The following FHIP1A variants were observed in gnomAD, a reference collection of about 807,000 sequenced individuals.
FHIP1A encodes FHF complex subunit HOOK-interacting protein 1A.
Under a neutral mutation model 88.6 loss-of-function variants are expected in FHIP1A, and 61 were observed. The ratio of observed to expected loss-of-function variants is 0.69; its 90% confidence interval spans 0.56 to 0.85. FHIP1A has a LOEUF of 0.85. FHIP1A is among the 40% of genes least tolerant of loss of function. The pLI, the probability that FHIP1A is intolerant of heterozygous loss-of-function variation, is 0.00. For missense variants in FHIP1A, 1,154 were observed against 1,273.5 expected (o/e 0.91, Z 1.43); for synonymous variants, 478 against 496.0 (o/e 0.96, Z 0.48).
At position 151,650,148 on chromosome 4, in the gene FHIP1A, G is replaced by A; in HGVS notation, c.2107G>A (p.Asp703Asn). 1.3e-6 allele frequency: 2 copies of A among 1,551,684 alleles called. No homozygotes were observed. The highest frequency in any genetic ancestry group is 1.7e-6 in the Non-Finnish European group (2 of 1,146,992). The change falls in exon 11 of 14, where the codon GAC becomes AAC. Residue 703 changes from aspartate to asparagine, a missense_variant. Asp to Asn is a conservative substitution (Grantham distance 23, BLOSUM62 1). Coordinates refer to ENST00000435205, the MANE Select transcript of FHIP1A (RefSeq NM_001109977.3). The stretch of plus-strand genomic sequence containing the variant: ...GGAGGAGTGGAATAGGGACAATTCA[G>A]ACCCGTTTCACAGTGAGCCCAAGGA... Reference protein sequence around the residue: ...SEEEWNRDNSDPFHSEPKEPK... With the variant: ...SEEEWNRDNSNPFHSEPKEPK...
chr4:151,415,552 T>A (rs1732860109), intron 1 of FHIP1A, among the ~76,000 whole-genome samples: 1 of 152,226 alleles, frequency 6.6e-6, no homozygotes, highest in Admixed American at 6.5e-5. Flanking sequence ...TTAAGAACAG[T>A]GCTTCAGAGA....
chr4:151,413,511 G>A (rs1281774166), intron 1 of FHIP1A, among the ~76,000 whole-genome samples: 2 of 152,128 alleles, frequency 1.3e-5, no homozygotes, highest in East Asian at 3.8e-4. Flanking sequence ...CTGGAGTGCG[G>A]TGGCACAATC....
intron 2 of FHIP1A, among the ~76,000 whole-genome samples, chr4:151,470,883 C>T (rs930263597): frequency 6.6e-6 from 1 of 152,022 alleles, no homozygotes; most frequent in Non-Finnish European, 1.5e-5. Context: ...GGACTGTGGC[C>T]GTATTGTATT....
In FHIP1A at chr4:151,662,536, A is replaced by C; in HGVS notation, c.2905A>C (p.Lys969Gln). ...GGAGGCTTCCAGGACAGGAAGTGGC[A>C]AGAACCTTTTGGATGGACCTCCAAG... ...IQEASRTGSG[K>Q]NLLDGPPRVL... The change falls in exon 14 of 14, where the codon AAG becomes CAG. Residue 969 changes from lysine (K) to glutamine (Q), a missense_variant. Physicochemically the swap from Lys to Gln is moderately conservative, Grantham distance 53. Coordinates refer to ENST00000435205, the MANE Select transcript of FHIP1A (RefSeq NM_001109977.3). The C allele has an allele frequency of 6.5e-7, 1 of 1,547,080 alleles. No homozygotes were observed. The highest frequency in any genetic ancestry group is 8.7e-7 in the Non-Finnish European group (1 of 1,144,174).
At chr4:151,430,584 A>G (rs755968233) in intron 1 of FHIP1A, among the ~76,000 whole-genome samples, 9 of 152,222 alleles carry the variant, frequency 5.9e-5, no homozygotes, top group Non-Finnish European at 1.0e-4. Context: ...TTAAATTGGC[A>G]TTGATTTTAA....
chr4:151,510,385 T>G (rs1730985025), intron 3 of FHIP1A, among the ~76,000 whole-genome samples: 1 of 152,174 alleles, frequency 6.6e-6, no homozygotes, highest in Admixed American at 6.5e-5. Context: ...CTGGGATTTA[T>G]AAGCATGAGC....
At chr4:151,643,769 A>G (rs1736685099) in intron 9 of FHIP1A, among the ~76,000 whole-genome samples, 1 of 152,210 alleles carries the variant, frequency 6.6e-6, no homozygotes. Context: ...CGGGCTATTC[A>G]TTTGAATAGA....
chr4:151,547,257 T>C (rs1280375080), intron 3 of FHIP1A, among the ~76,000 whole-genome samples: 1 of 152,146 alleles, frequency 6.6e-6, no homozygotes, highest in Non-Finnish European at 1.5e-5. Context: ...AAGGTATGTC[T>C]GAAACAGTCA....
At chr4:151,500,225 G>C (rs1381722867) in intron 3 of FHIP1A, among the ~76,000 whole-genome samples, 1 of 152,016 alleles carries the variant, frequency 6.6e-6, no homozygotes, top group African/African-American at 2.4e-5. Context: ...AAAGGAAGGA[G>C]GTTTGTACTT....
At chr4:151,661,021 GC>G (rs1737436696) in intron 13 of FHIP1A, among the ~76,000 whole-genome samples, 1 of 152,184 alleles carries the variant, frequency 6.6e-6, no homozygotes, top group East Asian at 1.9e-4. Flanking sequence ...TGCCTCTAAG[GC>G]TAGTAAGATT....
chr4:151,651,183 G>A (rs968073186), intron 11 of FHIP1A, among the ~76,000 whole-genome samples: 2 of 152,156 alleles, frequency 1.3e-5, no homozygotes, highest in Non-Finnish European at 2.9e-5. Flanking sequence ...GTGGACCCAC[G>A]TCAACTAATA....
intron 3 of FHIP1A, among the ~76,000 whole-genome samples, chr4:151,502,234 T>C (rs893740533): frequency 2.0e-5 from 3 of 151,746 alleles, no homozygotes; most frequent in African/African-American, 7.3e-5. Flanking sequence ...GGAGGATTGC[T>C]TGAGCCTAGA....
At chr4:151,638,156 G>A (rs745694183) in intron 8 of FHIP1A, among the ~76,000 whole-genome samples, 1 of 152,170 alleles carries the variant, frequency 6.6e-6, no homozygotes, top group Admixed American at 6.6e-5. Context: ...TGGAACCAAG[G>A]AAAATGCCCC....
At chr4:151,630,909 G>A (rs138573397) in intron 8 of FHIP1A, among the ~76,000 whole-genome samples, 11 of 152,158 alleles carry the variant, frequency 7.2e-5, no homozygotes, top group Admixed American at 2.0e-4. Flanking sequence ...TAATCAGTGG[G>A]TCAAAGAAGA....
intron 8 of FHIP1A, among the ~76,000 whole-genome samples, chr4:151,636,961 G>A (rs929151566): frequency 2.6e-5 from 4 of 152,096 alleles, no homozygotes; most frequent in African/African-American, 9.7e-5. Context: ...TGTGGTGCAG[G>A]ATAGACATAC....
chr4:151,517,833 A>G (rs576728988), intron 3 of FHIP1A, among the ~76,000 whole-genome samples: 61 of 152,294 alleles, frequency 4.0e-4, no homozygotes, highest in Non-Finnish European at 1.9e-4. Flanking sequence ...AAAAAAGCTT[A>G]TAGAATAAGG....
intron 1 of FHIP1A, among the ~76,000 whole-genome samples, chr4:151,443,683 C>CTGTGTGTGTGTGTGTGTGTG (rs1491201547): frequency 1.9e-5 from 1 of 51,922 alleles, no homozygotes; most frequent in East Asian, 4.7e-4. Context: ...AAATGAAGCA[C>CTGTGTGTGTGTGTGTGTGTG]TCTGTGTGTG....
At chr4:151,501,705 G>C (rs1730654138) in intron 3 of FHIP1A, among the ~76,000 whole-genome samples, 1 of 149,800 alleles carries the variant, frequency 6.7e-6, no homozygotes, top group Non-Finnish European at 1.5e-5. Flanking sequence ...TTTTTATGTT[G>C]GTCATTTGTA....
intron 1 of FHIP1A, among the ~76,000 whole-genome samples, chr4:151,413,302 A>G (rs1732749771): frequency 6.6e-6 from 1 of 152,194 alleles, no homozygotes; most frequent in Non-Finnish European, 1.5e-5. Context: ...AGAAGTAATT[A>G]CCAGAAGAAA....
Sources: gnomAD v4.1 joint callset for allele counts (sites outside exome capture counted in the v4.1 genomes callset) on GRCh38, gnomAD v4.1.1 for gene constraint, MANE v1.5 for transcripts, NCBI Gene and HGNC (gene_info 2026-07-23, HGNC 2026-07-21) for gene names.